Variants in TSHZ2 observed in about 807,000 individuals in gnomAD.
The protein encoded by TSHZ2 is teashirt zinc finger homeobox 2, also known as teashirt homolog 2.
Under a neutral mutation model 74.4 loss-of-function variants are expected in TSHZ2, and 21 were observed. The ratio of observed to expected loss-of-function variants is 0.28; its 90% CI spans 0.20 to 0.41. The LOEUF (loss-of-function observed/expected upper bound fraction) is 0.41. TSHZ2 is among the 10% of genes least tolerant of loss of function. The pLI is 1.00. For synonymous variants in TSHZ2, 540 were observed against 515.3 expected, an observed-to-expected ratio of 1.05 and a Z score of -0.65; for missense variants, 1,244 against 1,293.5, an observed-to-expected ratio of 0.96 and a Z score of 0.59.
intron 2 of TSHZ2, among the ~76,000 whole-genome samples, chr20:53,469,979 A>G (rs964472288): frequency 6.6e-6 from 1 of 152,196 alleles, no homozygotes; most frequent in East Asian, 1.9e-4. Context: ...TATAACTGTT[A>G]AAATGTTTTC....
intron 2 of TSHZ2, among the ~76,000 whole-genome samples, chr20:53,370,192 G>T (rs939066843): frequency 3.3e-5 from 5 of 152,110 alleles, no homozygotes; most frequent in Admixed American, 2.6e-4. Flanking sequence ...AAAATTCAGA[G>T]AGCAGCTTTA....
At chr20:53,325,821 TC>T (rs1979468666) in intron 2 of TSHZ2, among the ~76,000 whole-genome samples, 2 of 152,086 alleles carry the variant, frequency 1.3e-5, no homozygotes, top group Non-Finnish European at 2.9e-5. Context: ...TCACACTGTC[TC>T]CCGGGCTGGA....
chr20:52,989,952 C>G (rs142725082), intron 1 of TSHZ2, among the ~76,000 whole-genome samples: 1 of 150,868 alleles, frequency 6.6e-6, no homozygotes, highest in Non-Finnish European at 1.5e-5. Flanking sequence ...AATATATATA[C>G]ATACTAATTA....
intron 2 of TSHZ2, among the ~76,000 whole-genome samples, chr20:53,340,537 A>G (rs182357805): frequency 3.3e-5 from 5 of 152,220 alleles, no homozygotes; most frequent in African/African-American, 4.8e-5. Context: ...AATGAGCCCT[A>G]TATCATCATC....
chr20:53,329,214 C>T (rs923143027), intron 2 of TSHZ2, among the ~76,000 whole-genome samples: 1 of 152,144 alleles, frequency 6.6e-6, no homozygotes, highest in Admixed American at 6.5e-5. Context: ...AACTGTCTGT[C>T]GAGACTGTTT....
chr20:53,167,534 A>T (rs1988090649), intron 1 of TSHZ2, among the ~76,000 whole-genome samples: 1 of 152,066 alleles, frequency 6.6e-6, no homozygotes, highest in African/African-American at 2.4e-5. Flanking sequence ...GGAGAATGGT[A>T]GGGAGTAATG....
chr20:53,315,109 G>C (rs752172792), intron 2 of TSHZ2, among the ~76,000 whole-genome samples: 2 of 152,226 alleles, frequency 1.3e-5, no homozygotes, highest in East Asian at 1.9e-4. Flanking sequence ...GCAGTTCCAC[G>C]CATGTGTATG....
intron 1 of TSHZ2, among the ~76,000 whole-genome samples, chr20:53,109,201 A>G (rs1047551381): frequency 3.3e-5 from 5 of 152,210 alleles, no homozygotes; most frequent in African/African-American, 4.8e-5. Context: ...GCTTAAATAT[A>G]GTATCTACTT....
Position 53,487,326 on chromosome 20 carries a change from C to T in TSHZ2, c.*191C>T, listed in dbSNP as rs1986315890. 1 of 146,562 alleles carries T rather than the reference C, an allele frequency of 6.8e-6. No individual in the cohort carries two copies. The highest frequency in any genetic ancestry group is 2.2e-4 in the South Asian group (1 of 4,546). 9.1% of individuals were successfully genotyped at this position (146,562 alleles called of 1,614,324 possible). ...AGCCATTTCTCTTCATCCTCACTAA[C>T]AATTTGGTAATGAAGTATTGATTTC... On this transcript the variant is annotated 3_prime_UTR_variant, in exon 3 of 3. Transcript: ENST00000371497.
chr20:53,181,624 C>T (rs1812142922), intron 1 of TSHZ2, among the ~76,000 whole-genome samples: 1 of 152,134 alleles, frequency 6.6e-6, no homozygotes, highest in African/African-American at 2.4e-5. Context: ...CACGGTGGCT[C>T]ACACCTCTGA....
At chr20:53,316,681 A>C (rs1445545137) in intron 2 of TSHZ2, among the ~76,000 whole-genome samples, 1 of 151,870 alleles carries the variant, frequency 6.6e-6, no homozygotes, top group East Asian at 1.9e-4. Flanking sequence ...TCAAAGCTGA[A>C]CTCATTTTGT....
At chr20:53,113,397 A>G (rs1036332210) in intron 1 of TSHZ2, among the ~76,000 whole-genome samples, 11 of 152,094 alleles carry the variant, frequency 7.2e-5, no homozygotes, top group African/African-American at 2.7e-4. Context: ...AGTTTTGTGT[A>G]TCTAACCATA....
intron 1 of TSHZ2, among the ~76,000 whole-genome samples, chr20:53,113,846 C>G (rs1487228923): frequency 6.6e-6 from 1 of 152,052 alleles, no homozygotes; most frequent in South Asian, 2.1e-4. Context: ...TGTCTGAACT[C>G]CATAATGGGA....
intron 2 of TSHZ2, among the ~76,000 whole-genome samples, chr20:53,438,083 C>CT (rs1984159496): frequency 6.6e-6 from 1 of 151,372 alleles, no homozygotes; most frequent in Non-Finnish European, 1.5e-5. Flanking sequence ...GAAGGATGTA[C>CT]TTGGGTGTAC....
At chr20:53,278,807 C>T (rs1990995499) in intron 2 of TSHZ2, among the ~76,000 whole-genome samples, 1 of 152,152 alleles carries the variant, frequency 6.6e-6, no homozygotes, top group Non-Finnish European at 1.5e-5. Flanking sequence ...GCATTGTGGG[C>T]CATGCAGTCT....
chr20:53,326,410 T>G (rs996296311), intron 2 of TSHZ2, among the ~76,000 whole-genome samples: 1 of 152,220 alleles, frequency 6.6e-6, no homozygotes, highest in African/African-American at 2.4e-5. Flanking sequence ...ATAGTTAAGA[T>G]CTCAGTATTT....
intron 2 of TSHZ2, among the ~76,000 whole-genome samples, chr20:53,354,573 G>A (rs1007335446): frequency 6.6e-6 from 1 of 152,162 alleles, no homozygotes; most frequent in East Asian, 1.9e-4. Flanking sequence ...TCATTCTCTT[G>A]AATCAAAGGG....
chr20:53,286,732 A>T (rs1220786510), intron 2 of TSHZ2, among the ~76,000 whole-genome samples: 1 of 152,090 alleles, frequency 6.6e-6, no homozygotes, highest in East Asian at 1.9e-4. Context: ...CTACAAAAAT[A>T]ATTTATTTTT....
At chr20:53,377,005 T>C (rs1981680948) in intron 2 of TSHZ2, among the ~76,000 whole-genome samples, 1 of 152,218 alleles carries the variant, frequency 6.6e-6, no homozygotes, top group Admixed American at 6.5e-5. Flanking sequence ...TCTCTCTTCT[T>C]CTATAGATGC....
Sources: gnomAD v4.1 joint callset for allele counts (sites outside exome capture counted in the v4.1 genomes callset) on GRCh38, gnomAD v4.1.1 for gene constraint, MANE v1.5 for transcripts, NCBI Gene and HGNC (gene_info 2026-07-23, HGNC 2026-07-21) for gene names.